Variants in KCNC2 observed in about 807,000 individuals in gnomAD.
The protein encoded by KCNC2 is voltage-gated potassium channel KCNC2.
In KCNC2, 21 loss-of-function variants were observed where a neutral mutation model predicts 44.5. That is an observed-to-expected ratio of 0.47 (90% CI 0.33 to 0.68). The LOEUF (loss-of-function observed/expected upper bound fraction) is 0.68, where lower values mean the gene tolerates loss of function less well. Among genes scored for constraint, KCNC2 ranks in the 30% least tolerant of loss-of-function variants. KCNC2 has a pLI of 0.01. For missense variants in KCNC2, 589 were observed against 826.2 expected, an observed-to-expected ratio of 0.71 and a Z score of 3.52; for synonymous variants, 391 against 339.1, an observed-to-expected ratio of 1.15 and a Z score of -1.68.
intron 2 of KCNC2, among the ~76,000 whole-genome samples, chr12:75,179,202 A>C (rs529590410): frequency 6.6e-6 from 1 of 152,156 alleles, no homozygotes; most frequent in East Asian, 1.9e-4. Context: ...CACTAGTAAA[A>C]ATTAGGCTTT....
At chr12:75,092,271 C>T (rs1718869026) in intron 2 of KCNC2, among the ~76,000 whole-genome samples, 2 of 151,594 alleles carry the variant, frequency 1.3e-5, no homozygotes, top group Admixed American at 1.3e-4. Flanking sequence ...CTCTATTTCT[C>T]TCCTCAAAAT....
At chr12:75,157,147 A>C (rs893101673) in intron 2 of KCNC2, among the ~76,000 whole-genome samples, 6 of 151,940 alleles carry the variant, frequency 3.9e-5, no homozygotes, top group Admixed American at 3.9e-4. Context: ...CAAACAAAGC[A>C]AAACTCTACA....
intron 2 of KCNC2, among the ~76,000 whole-genome samples, chr12:75,129,306 T>C (rs77254909): frequency 0.01 from 1,530 of 152,292 alleles, 20 homozygotes; most frequent in African/African-American, 0.035. Flanking sequence ...CAACCAACTC[T>C]ACCATGATTG....
intron 2 of KCNC2, among the ~76,000 whole-genome samples, chr12:75,204,750 A>G (rs537044522): frequency 6.4e-4 from 98 of 152,250 alleles, no homozygotes; most frequent in Admixed American, 1.1e-3. Context: ...TCAGGTTATC[A>G]TCTTAACTAA....
chr12:75,152,224 C>G (rs1232194363), intron 2 of KCNC2, among the ~76,000 whole-genome samples: 1 of 149,104 alleles, frequency 6.7e-6, no homozygotes, highest in Non-Finnish European at 1.5e-5. Flanking sequence ...CTACAAATCC[C>G]AAGCAGAATT....
intron 2 of KCNC2, among the ~76,000 whole-genome samples, chr12:75,105,448 G>C (rs1886707635): frequency 6.6e-6 from 1 of 152,038 alleles, no homozygotes; most frequent in Non-Finnish European, 1.5e-5. Flanking sequence ...ATAATAGGAA[G>C]CCATTCTTGT....
chr12:75,135,487 A>AAATACATAT (rs1889162452), intron 2 of KCNC2, among the ~76,000 whole-genome samples: 1 of 152,074 alleles, frequency 6.6e-6, no homozygotes, highest in African/African-American at 2.4e-5. Flanking sequence ...ATAGATAAAT[A>AAATACATAT]AATACATGCT....
intron 2 of KCNC2, among the ~76,000 whole-genome samples, chr12:75,107,310 AT>A (rs63354460): frequency 0.08 from 12,197 of 152,146 alleles, 606 homozygotes; most frequent in African/African-American, 0.13. Context: ...TCTCAAAAAA[AT>A]AAATAATAAT....
In KCNC2 at chr12:75,088,577, C is replaced by T. The variant is rs77154537; in HGVS notation, c.688-37260G>A. Among the ~76,000 whole-genome samples the T allele has an allele frequency of 7.2e-5, 11 of 152,084 alleles. No homozygotes were observed. The East Asian group carries it at 1.9e-3, about 27-fold the overall frequency. On this transcript the variant is annotated intron_variant, in intron 2 of 4. Coordinates refer to ENST00000549446, the MANE Select transcript of KCNC2 (RefSeq NM_139137.4). ...TAGATCTTAGTTTGTCTTAGCCAGT[C>T]ATAGTTATGCTCTCTTTAATTTCAC...
At chr12:75,062,340 A>C (rs927759359) in intron 2 of KCNC2, among the ~76,000 whole-genome samples, 4 of 152,146 alleles carry the variant, frequency 2.6e-5, no homozygotes, top group African/African-American at 9.6e-5. Context: ...ACATGCATAC[A>C]TGCTAAACTC....
chr12:75,164,897 G>A (rs142071893), intron 2 of KCNC2, among the ~76,000 whole-genome samples: 1 of 151,738 alleles, frequency 6.6e-6, no homozygotes, highest in African/African-American at 2.4e-5. Flanking sequence ...AACAAAATCT[G>A]TCAATTTTCC....
rs1890431079 is a variant in KCNC2, at chr12:75,151,963, T to G, written c.687+55334A>C. On this transcript the variant is annotated intron_variant, in intron 2 of 4. Transcript: ENST00000549446. ...ATACATTTATATATAATATATTATA[T>G]ATTATACATTTATATATTATATATT... Among the ~76,000 whole-genome samples, 3 of 146,458 alleles carry G rather than the reference T, an allele frequency of 2.0e-5. No homozygotes were observed. In the South Asian group the frequency reaches 6.3e-4, roughly 31 times the overall value.
intron 2 of KCNC2, among the ~76,000 whole-genome samples, chr12:75,191,428 T>C (rs1274664239): frequency 1.3e-5 from 2 of 149,974 alleles, no homozygotes; most frequent in East Asian, 1.9e-4. Context: ...ACTTTTTGTT[T>C]TAAAAATAAA....
At chr12:75,046,374 C>T (rs1880513911) in intron 4 of KCNC2, among the ~76,000 whole-genome samples, 1 of 151,632 alleles carries the variant, frequency 6.6e-6, no homozygotes, top group African/African-American at 2.4e-5. Context: ...AAAGCTTTTT[C>T]TCATTCGTGA....
chr12:75,199,037 A>T (rs1593081608), intron 2 of KCNC2, among the ~76,000 whole-genome samples: 1 of 151,816 alleles, frequency 6.6e-6, no homozygotes, highest in African/African-American at 2.4e-5. Flanking sequence ...AAAATCCTGG[A>T]TAAAATATTG....
At chr12:75,076,364 G>A (rs908816458) in intron 2 of KCNC2, among the ~76,000 whole-genome samples, 2 of 151,736 alleles carry the variant, frequency 1.3e-5, no homozygotes, top group African/African-American at 4.8e-5. Context: ...GCTCCGCCTC[G>A]CGGGTTCACG....
intron 2 of KCNC2, among the ~76,000 whole-genome samples, chr12:75,179,790 A>G (rs945799872): frequency 1.1e-4 from 16 of 151,404 alleles, no homozygotes; most frequent in African/African-American, 3.6e-4. Context: ...CTACTTTTAT[A>G]TCTTGGAAAT....
rs566684435 is a variant in KCNC2 at position 75,041,443 on chromosome 12, G to T, written c.*1662C>A. 2.4e-5 allele frequency: 30 copies of T among 1,276,054 alleles called. No individual in the cohort carries two copies. Among genetic ancestry groups the T allele is most frequent in the Non-Finnish European group, 2.9e-5 (29 of 1,004,014 alleles). The allele number at this position is 1,276,054 out of a possible 1,614,324, so 79.0% of individuals were successfully genotyped here. ...GTGGCCAATAATAAAAGTGACAATT[G>T]TCTTCCTAACAAAAAATAAACATGA... On this transcript the variant is annotated 3_prime_UTR_variant, in exon 5 of 5. Coordinates refer to ENST00000549446, the MANE Select transcript of KCNC2 (RefSeq NM_139137.4).
chr12:75,051,305 C>CA lies in KCNC2; in HGVS notation c.699dup (p.Ala234CysfsTer19). 1.3e-6 allele frequency: 2 copies of CA among 1,579,902 alleles called. No individual in the cohort carries two copies. Among genetic ancestry groups the CA allele is most frequent in the Non-Finnish European group, 1.7e-6 (2 of 1,156,176 alleles). On this transcript the variant is annotated frameshift_variant, in exon 3 of 5. Transcript: ENST00000549446. LOFTEE classifies it high-confidence loss of function. Reference sequence around the variant, plus strand: ...GAAACCAGGATGAAGAATAAAGAAGCAAAAGCAATAAACTGTAGAGGAAAA... The same window carrying CA: ...GAAACCAGGATGAAGAATAAAGAAGCAAAAAGCAATAAACTGTAGAGGAAAA...
Sources: allele counts gnomAD v4.1 joint callset (sites outside exome capture counted in the v4.1 genomes callset), GRCh38; gene constraint gnomAD v4.1.1; transcripts MANE v1.5; gene names NCBI Gene and HGNC (gene_info 2026-07-23, HGNC 2026-07-21).